TRIM67: variants seen among roughly 807,000 people sequenced by gnomAD.
TRIM67 encodes the protein tripartite motif-containing protein 67.
Under a neutral mutation model 71.0 loss-of-function variants are expected in TRIM67, and 39 were observed. The ratio of observed to expected loss-of-function variants is 0.55; its 90% CI spans 0.43 to 0.72. TRIM67 has a LOEUF of 0.72. Among genes scored for constraint, TRIM67 ranks in the 30% least tolerant of loss-of-function variants. TRIM67 has a pLI of 0.00. For synonymous variants in TRIM67, 481 were observed against 473.9 expected (o/e 1.01, Z -0.19); for missense variants, 973 against 1,079.2 (o/e 0.90, Z 1.38).
At chr1:231,202,498 CA>C (rs1683581364) in intron 5 of TRIM67, among the ~76,000 whole-genome samples, 1 of 152,108 alleles carries the variant, frequency 6.6e-6, no homozygotes, top group Admixed American at 6.5e-5. Context: ...GTAAAGTTTG[CA>C]TAACTTGCCC....
At chr1:231,185,052 G>C in intron 1 of TRIM67, 1 of 1,532,916 alleles carries the variant, frequency 6.5e-7, no homozygotes, top group Non-Finnish European at 8.7e-7. Context: ...CTAGTGTGGA[G>C]CTGAGCTGGT....
chr1:231,211,075 T>G (rs557082211), intron 8 of TRIM67, among the ~76,000 whole-genome samples: 114 of 150,344 alleles, frequency 7.6e-4, no homozygotes, highest in African/African-American at 2.4e-3. Context: ...TTAATATATA[T>G]ATTAAAAAGC....
rs1456264413 is a variant in TRIM67, at chr1:231,218,794, T to C, written c.*3354T>C. On this transcript the variant is annotated 3_prime_UTR_variant, in exon 10 of 10. Coordinates refer to ENST00000366653, the MANE Select transcript of TRIM67 (RefSeq NM_001004342.5). ...TTTGAGGAGGGTGGTGCTTTCCGGA[T>C]TGAGCCTGGGCAGGCTCTGTGGAGC... 3 of 985,314 alleles carry C rather than the reference T, an allele frequency of 3.0e-6. No homozygotes were observed. Among genetic ancestry groups the C allele is most frequent in the Non-Finnish European group, 3.6e-6 (3 of 829,940 alleles). 61.0% of individuals were successfully genotyped at this position (985,314 alleles called of 1,614,324 possible). A position where few individuals can be genotyped will look rare whatever the true frequency, so the allele number is the denominator to read the frequency against.
Position 231,212,804 on chromosome 1 carries a change from G to A in TRIM67, c.2124-1011G>A, listed in dbSNP as rs942764684. ...TGTGGTCAGCCAAGCCCCCCCTTGG[G>A]AGCATGTTCCTTACTTTTATTATAG... is the stretch of plus-strand genomic sequence containing the variant. On this transcript the variant is annotated intron_variant, in intron 8 of 9. Transcript: ENST00000366653. Among the ~76,000 whole-genome samples the A allele has an allele frequency of 2.5e-4, 38 of 152,158 alleles. 1 individual carries two copies. Among genetic ancestry groups the A allele is most frequent in the African/African-American group, 8.9e-4 (37 of 41,438 alleles).
chr1:231,195,492 A>C (rs535026933), intron 1 of TRIM67, among the ~76,000 whole-genome samples: 1 of 152,310 alleles, frequency 6.6e-6, no homozygotes, highest in African/African-American at 2.4e-5. Flanking sequence ...GGAGAGCCTA[A>C]ACCCACTGAG....
chr1:231,218,417 T>C lies in TRIM67; in HGVS notation c.*2977T>C. On this transcript the variant is annotated 3_prime_UTR_variant, in exon 10 of 10. Transcript: ENST00000366653. ...TCCATTGCATTGTAAATAGTGCCTC[T>C]GTAATGTGGTTCTGCAGTTGTTCTT... The C allele has an allele frequency of 1.3e-5, 13 of 985,864 alleles. No homozygotes were observed. The highest frequency in any genetic ancestry group is 1.6e-5 in the Non-Finnish European group (13 of 830,230). The allele number at this position is 985,864 out of a possible 1,614,324, so 61.1% of individuals were successfully genotyped here. A position where few individuals can be genotyped will look rare whatever the true frequency, so the allele number is the denominator to read the frequency against.
At chr1:231,169,054 T>A (rs1440886148) in intron 1 of TRIM67, among the ~76,000 whole-genome samples, 1 of 151,508 alleles carries the variant, frequency 6.6e-6, no homozygotes, top group Non-Finnish European at 1.5e-5. Flanking sequence ...GCCCTAGATA[T>A]TTTTTTTTAT....
intron 1 of TRIM67, among the ~76,000 whole-genome samples, chr1:231,168,330 T>G (rs1317997225): frequency 6.6e-6 from 1 of 152,264 alleles, no homozygotes; most frequent in Non-Finnish European, 1.5e-5. Flanking sequence ...TTATATTTTA[T>G]TTCGTTAACA....
At position 231,216,499 on chromosome 1, in the gene TRIM67, G is replaced by C. The variant is rs979655844; in HGVS notation, c.*1059G>C. 4.5e-5 allele frequency: 44 copies of C among 985,342 alleles called. No homozygotes were observed. In the African/African-American group the frequency reaches 5.9e-4, roughly 13 times the overall value. The allele number at this position is 985,342 out of a possible 1,614,324, so 61.0% of individuals were successfully genotyped here. On this transcript the variant is annotated 3_prime_UTR_variant, in exon 10 of 10. Transcript: ENST00000366653. ...AGCTGAACCACTCTCAGACTCATAA[G>C]CATTTAAAATGGGAGACCCTGGGAA...
At chr1:231,212,998 T>C (rs148889258) in intron 8 of TRIM67, among the ~76,000 whole-genome samples, 3 of 152,232 alleles carry the variant, frequency 2.0e-5, no homozygotes, top group East Asian at 3.9e-4. Flanking sequence ...CTGCCTGCCA[T>C]ACGCTGCTTT....
chr1:231,172,288 C>A (rs919277248), intron 1 of TRIM67, among the ~76,000 whole-genome samples: 1 of 151,992 alleles, frequency 6.6e-6, no homozygotes, highest in East Asian at 1.9e-4. Flanking sequence ...GTGGGGGGAA[C>A]AGAGATGGAG....
chr1:231,219,974 T>C lies in TRIM67; in HGVS notation c.*4534T>C, dbSNP rs1182037772. On this transcript the variant is annotated 3_prime_UTR_variant, in exon 10 of 10. Coordinates refer to ENST00000366653, the MANE Select transcript of TRIM67 (RefSeq NM_001004342.5). ...TTAACCTGGCTTTAATAGTGATTCA[T>C]GGTATGAGTGGGGGCCAATCTCTTA... 1.6e-6 allele frequency: 2 copies of C among 1,288,388 alleles called. No individual in the cohort carries two copies. Among genetic ancestry groups the C allele is most frequent in the African/African-American group, 1.5e-5 (1 of 65,832 alleles). 79.8% of individuals were successfully genotyped at this position (1,288,388 alleles called of 1,614,324 possible).
intron 4 of TRIM67, among the ~76,000 whole-genome samples, chr1:231,200,728 G>T (rs765451359): frequency 1.3e-4 from 20 of 152,300 alleles, no homozygotes; most frequent in Non-Finnish European, 2.5e-4. Context: ...ACATGGCAGT[G>T]ATTCAGCCTT....
At chr1:231,169,991 C>CTTTTTTTTT (rs1342320930) in intron 1 of TRIM67, among the ~76,000 whole-genome samples, 9 of 130,168 alleles carry the variant, frequency 6.9e-5, no homozygotes, top group East Asian at 6.4e-4. Flanking sequence ...TTTTCTTTCT[C>CTTTTTTTTT]TCTTTTTTTT....
In TRIM67 at chr1:231,216,592, C is replaced by A. The variant is rs917897445; in HGVS notation, c.*1152C>A. On this transcript the variant is annotated 3_prime_UTR_variant, in exon 10 of 10. Transcript: ENST00000366653. ...TCATGAACACAAGTGGCCCCTGTGG[C>A]AGGCCGGGACGGCTCTGCCCTGATG... 9.1e-5 allele frequency: 90 copies of A among 985,554 alleles called. No homozygotes were observed. The Middle Eastern group carries it at 2.6e-3, about 29-fold the overall frequency. 61.1% of individuals were successfully genotyped at this position (985,554 alleles called of 1,614,324 possible).
At chr1:231,207,618 C>A (rs147601028) in intron 7 of TRIM67, among the ~76,000 whole-genome samples, 5 of 152,324 alleles carry the variant, frequency 3.3e-5, no homozygotes, top group African/African-American at 9.6e-5. Context: ...CCTCTGACTG[C>A]CACAGCTGGA....
intron 2 of TRIM67, 128 bp from the exon 3 acceptor site, chr1:231,198,919 A>T (rs556029984): frequency 3.5e-6 from 5 of 1,443,326 alleles, no homozygotes; most frequent in Non-Finnish European, 4.7e-6. Context: ...CTCTAATTTA[A>T]CAACATTATA....
chr1:231,177,263 G>C (rs1682778200), intron 1 of TRIM67, among the ~76,000 whole-genome samples: 1 of 152,166 alleles, frequency 6.6e-6, no homozygotes, highest in Non-Finnish European at 1.5e-5. Flanking sequence ...GATGGGGTAG[G>C]GGGTGCATAA....
intron 1 of TRIM67, among the ~76,000 whole-genome samples, chr1:231,194,230 T>C (rs1021636063): frequency 1.3e-5 from 2 of 152,238 alleles, no homozygotes; most frequent in African/African-American, 4.8e-5. Context: ...AAGGGGTTGC[T>C]ATTCTTTCCC....
Sources: gnomAD v4.1 joint callset for allele counts (sites outside exome capture counted in the v4.1 genomes callset) on GRCh38, gnomAD v4.1.1 for gene constraint, MANE v1.5 for transcripts, NCBI Gene and HGNC (gene_info 2026-07-23, HGNC 2026-07-21) for gene names.